Variants in HSD17B13 observed in about 807,000 individuals in gnomAD.
HSD17B13 encodes 17-beta-hydroxysteroid dehydrogenase 13.
In HSD17B13, 26 loss-of-function variants were observed where a neutral mutation model predicts 31.1. That is an observed-to-expected ratio of 0.84 (90% CI 0.61 to 1.16). The LOEUF (loss-of-function observed/expected upper bound fraction) is 1.16, where lower values mean the gene tolerates loss of function less well. HSD17B13 is among the 50% of genes most tolerant of loss of function. HSD17B13 has a pLI of 0.00. For synonymous variants in HSD17B13, 141 were observed against 133.7 expected (o/e 1.05, Z -0.38); for missense variants, 374 against 366.5 (o/e 1.02, Z -0.17).
intron 1 of HSD17B13, among the ~76,000 whole-genome samples, chr4:87,321,279 C>A (rs547435915): frequency 6.6e-6 from 1 of 152,160 alleles, no homozygotes; most frequent in African/African-American, 2.4e-5. Flanking sequence ...AATCTGCCCA[C>A]CTCCGTCTCC....
At chr4:87,317,596 A>G (rs771992019) in intron 2 of HSD17B13, among the ~76,000 whole-genome samples, 1 of 28,302 alleles carries the variant, frequency 3.5e-5, no homozygotes, top group African/African-American at 3.2e-4. Flanking sequence ...TTTTTTAGAG[A>G]TAGGGTCTCA....
At position 87,305,097 on chromosome 4, in the gene HSD17B13, T is replaced by C. The variant is rs1050031467; in HGVS notation, c.*121A>G. The C allele has an allele frequency of 2.0e-6, 1 of 511,418 alleles. No homozygotes were observed. Among genetic ancestry groups the C allele is most frequent in the Non-Finnish European group, 3.3e-6 (1 of 307,466 alleles). 31.7% of individuals were successfully genotyped at this position (511,418 alleles called of 1,614,324 possible). ...ATCTTGTTCGTTTGACTGCTGCTAG[T>C]GCCAAACCAATGTTTTTAATATTAT... is the stretch of plus-strand genomic sequence containing the variant. On this transcript the variant is annotated 3_prime_UTR_variant, in exon 7 of 7. Transcript: ENST00000328546.
Position 87,310,111 on chromosome 4 carries a change from G to A in HSD17B13, c.812+132C>T, listed in dbSNP as rs932132143. The A allele has an allele frequency of 6.9e-6, 8 of 1,151,550 alleles. No homozygotes were observed. The African/African-American group carries it at 1.3e-4, about 19-fold the overall frequency. The allele number at this position is 1,151,550 out of a possible 1,614,324, so 71.3% of individuals were successfully genotyped here. On this transcript the variant is annotated intron_variant, in intron 6 of 6. Coordinates refer to ENST00000328546, the MANE Select transcript of HSD17B13 (RefSeq NM_178135.5). ...ACCCAGGAGGCGGAGGTTGCAGTGA[G>A]CCAAGATCATGCCACTGCAACCACC...
At chr4:87,316,971 A>G in intron 3 of HSD17B13, 121 bp downstream of exon 3, 1 of 990,144 alleles carries the variant, frequency 1.0e-6, no homozygotes, top group Non-Finnish European at 1.5e-6. Context: ...AAATTTAATG[A>G]TTCTTGATTA....
In HSD17B13 at chr4:87,310,496, T is replaced by A. The variant is rs1022261393; in HGVS notation, c.696-137A>T. On this transcript the variant is annotated intron_variant, in intron 5 of 6. Coordinates refer to ENST00000328546, the MANE Select transcript of HSD17B13 (RefSeq NM_178135.5). Reference sequence around the variant, plus strand: ...TAAAATATTCCAGGATTTGCTGCATTAATGCCACCCTACCCACTTCCTCCA... The same window carrying A: ...TAAAATATTCCAGGATTTGCTGCATAAATGCCACCCTACCCACTTCCTCCA... 13 of 1,034,600 alleles carry A rather than the reference T, an allele frequency of 1.3e-5. No individual in the cohort carries two copies. In the African/African-American group the frequency reaches 2.2e-4, roughly 17 times the overall value. 64.1% of individuals were successfully genotyped at this position (1,034,600 alleles called of 1,614,324 possible). A position where few individuals can be genotyped will look rare whatever the true frequency, so the allele number is the denominator to read the frequency against.
At position 87,320,481 on chromosome 4, in the gene HSD17B13, G is replaced by C. The variant is rs368965760; in HGVS notation, c.211-2045C>G. On this transcript the variant is annotated intron_variant, in intron 1 of 6. Transcript: ENST00000328546. ...GGCTCACTGCAAGCTCCGCCTCCCG[G>C]GTTCACACCATTCTCCTGCCTCAGC... 7.6e-4 allele frequency among the ~76,000 whole-genome samples: 111 copies of C among 145,170 alleles called. 1 individual carries two copies. In the East Asian group the frequency reaches 0.023, roughly 30 times the overall value.
At chr4:87,318,548 C>T in intron 1 of HSD17B13, 112 bp from the exon 2 acceptor site, 1 of 813,152 alleles carries the variant, frequency 1.2e-6, no homozygotes, top group Non-Finnish European at 2.0e-6. Context: ...GCCTGTAATC[C>T]CAGCACTTTG....
chr4:87,312,336 C>T (rs938275913), intron 5 of HSD17B13, among the ~76,000 whole-genome samples: 4 of 152,060 alleles, frequency 2.6e-5, no homozygotes, highest in Non-Finnish European at 4.4e-5. Context: ...TTCACAAAGT[C>T]CCTGACTCTG....
rs138485091 is a variant in HSD17B13, at chr4:87,316,246, C to G, written c.451-647G>C. 2.3e-3 allele frequency among the ~76,000 whole-genome samples: 346 copies of G among 152,272 alleles called. 1 individual carries two copies. The highest frequency in any genetic ancestry group is 8.2e-3 in the African/African-American group (339 of 41,552). On this transcript the variant is annotated intron_variant, in intron 3 of 6. Coordinates refer to ENST00000328546, the MANE Select transcript of HSD17B13 (RefSeq NM_178135.5). ...CCAACCCAAGCTACCTCCAAATTCC[C>G]AACCCATAGAAACTGTGAGAGGATA...
intron 2 of HSD17B13, 63 bp from the exon 3 acceptor site, chr4:87,317,286 A>G: frequency 1.3e-6 from 2 of 1,528,600 alleles, no homozygotes; most frequent in South Asian, 1.1e-5. Flanking sequence ...TTTGGGACCA[A>G]TATAATCCAA....
chr4:87,309,348 C>G (rs1296053789), intron 6 of HSD17B13, among the ~76,000 whole-genome samples: 6 of 141,532 alleles, frequency 4.2e-5, no homozygotes, highest in African/African-American at 1.3e-4. Context: ...CACGCCACTG[C>G]ACTCCAGCCT....
intron 4 of HSD17B13, among the ~76,000 whole-genome samples, chr4:87,314,905 A>T (rs1424892863): frequency 1.3e-5 from 2 of 152,176 alleles, no homozygotes; most frequent in Non-Finnish European, 2.9e-5. Flanking sequence ...AAATATCTTA[A>T]ATATAATTAC....
chr4:87,316,225 C>T (rs1181523915), intron 3 of HSD17B13, among the ~76,000 whole-genome samples: 1 of 152,158 alleles, frequency 6.6e-6, no homozygotes, highest in Non-Finnish European at 1.5e-5. Context: ...GAACTCCCAA[C>T]CCAAGCTACC....
In HSD17B13 at chr4:87,318,394, C is replaced by T. The variant is rs1578442904; in HGVS notation, c.253G>A (p.Val85Ile). Reference protein sequence around the residue: ...ETAAECRKLGVTAHAYVVDCS... With the variant: ...ETAAECRKLGITAHAYVVDCS... ...TCTACCACATACGCATGCGCAGTGACGCCTAGTTTTCGGCACTCAGCTGCA... is the reference window on the plus strand; with the variant it reads ...TCTACCACATACGCATGCGCAGTGATGCCTAGTTTTCGGCACTCAGCTGCA... Residue 85 changes from valine to isoleucine, a missense_variant, in exon 2 of 7, where the codon GTC becomes ATC. Val to Ile is a conservative substitution (Grantham distance 29, BLOSUM62 3). Transcript: ENST00000328546. The T allele has an allele frequency of 6.2e-7, 1 of 1,614,178 alleles. No individual in the cohort carries two copies. The highest frequency in any genetic ancestry group is 8.5e-7 in the Non-Finnish European group (1 of 1,180,010).
Position 87,304,949 on chromosome 4 carries a change from T to C in HSD17B13, c.*269A>G, listed in dbSNP as rs1734354069. ...CACCTTTAAATGGAAAAATAAAATA[T>C]CTTAAAGAAAACCTTTTAAGTATGT... On this transcript the variant is annotated 3_prime_UTR_variant, in exon 7 of 7. Coordinates refer to ENST00000328546, the MANE Select transcript of HSD17B13 (RefSeq NM_178135.5). The C allele has an allele frequency of 3.6e-6, 1 of 281,240 alleles. No individual in the cohort carries two copies. The highest frequency in any genetic ancestry group is 5.2e-5 in the Admixed American group (1 of 19,286). The allele number at this position is 281,240 out of a possible 1,614,324, so 17.4% of individuals were successfully genotyped here. A position where few individuals can be genotyped will look rare whatever the true frequency, so the allele number is the denominator to read the frequency against.
chr4:87,317,344 A>C (rs1482622161), intron 2 of HSD17B13, 121 bp from the exon 3 acceptor site: 25 of 939,524 alleles, frequency 2.7e-5, no homozygotes, highest in Non-Finnish European at 3.9e-5. Flanking sequence ...GAGTTCAGGC[A>C]AGACAGACTG....
intron 6 of HSD17B13, 55 bp downstream of exon 6, chr4:87,310,187 CA>C (rs59716219): frequency 0.34 from 462,371 of 1,357,838 alleles, 76,695 homozygotes; most frequent in Middle Eastern, 0.45. Flanking sequence ...AAAAAAAAAG[CA>C]AAAAAAAAAG....
intron 1 of HSD17B13, among the ~76,000 whole-genome samples, chr4:87,321,408 TAATAAA>T (rs747218146): frequency 6.6e-6 from 1 of 152,216 alleles, no homozygotes; most frequent in Non-Finnish European, 1.5e-5. Context: ...AAAAAAAACT[TAATAAA>T]TATAGCCCTT....
chr4:87,309,384 CAAAAAAAA>C (rs369280214), intron 6 of HSD17B13, among the ~76,000 whole-genome samples: 1 of 50,098 alleles, frequency 2.0e-5, no homozygotes, highest in Non-Finnish European at 3.9e-5. Context: ...AACTCTGTCT[CAAAAAAAA>C]AAAAAAAAAA....
Sources: gnomAD v4.1 joint callset for allele counts (sites outside exome capture counted in the v4.1 genomes callset) on GRCh38, gnomAD v4.1.1 for gene constraint, MANE v1.5 for transcripts, NCBI Gene and HGNC (gene_info 2026-07-23, HGNC 2026-07-21) for gene names.